NPAS3: variants seen among roughly 807,000 people sequenced by gnomAD.
NPAS3 encodes the protein neuronal PAS domain protein 3.
Under a neutral mutation model 73.1 loss-of-function variants are expected in NPAS3, and 14 were observed. That is an observed-to-expected ratio of 0.19 (90% CI 0.13 to 0.30). The LOEUF (loss-of-function observed/expected upper bound fraction) is 0.30, where lower values mean the gene tolerates loss of function less well. NPAS3 is among the 10% of genes least tolerant of loss of function. The pLI, the probability that NPAS3 is intolerant of heterozygous loss-of-function variation, is 1.00. For missense variants in NPAS3, 1,096 were observed against 1,250.0 expected (o/e 0.88, Z 1.86); for synonymous variants, 620 against 541.5 (o/e 1.14, Z -2.01).
At chr14:33,480,524 T>TCCCCCCCCCCCCCCCCCCCC (rs2051266824) in intron 4 of NPAS3, among the ~76,000 whole-genome samples, 1 of 65,384 alleles carries the variant, frequency 1.5e-5, no homozygotes. Context: ...TCCCCCACTC[T>TCCCCCCCCCCCCCCCCCCCC]CCCCCTCCCC....
chr14:33,551,614 C>T (rs1241093725), intron 4 of NPAS3, among the ~76,000 whole-genome samples: 1 of 152,136 alleles, frequency 6.6e-6, no homozygotes, highest in Admixed American at 6.5e-5. Flanking sequence ...AAAAAGCTAA[C>T]ATGGAAGTCT....
At chr14:33,698,166 A>T (rs1210485508) in intron 6 of NPAS3, among the ~76,000 whole-genome samples, 1 of 152,160 alleles carries the variant, frequency 6.6e-6, no homozygotes, top group East Asian at 1.9e-4. Flanking sequence ...ACAAATCATC[A>T]CTCAACCATC....
At chr14:33,054,833 T>C (rs563072084) in intron 1 of NPAS3, among the ~76,000 whole-genome samples, 36 of 152,110 alleles carry the variant, frequency 2.4e-4, no homozygotes, top group Admixed American at 1.2e-3. Context: ...AGGATGGTCT[T>C]GATCTCCTGA....
intron 3 of NPAS3, among the ~76,000 whole-genome samples, chr14:33,311,738 G>A (rs868749143): frequency 1.1e-4 from 17 of 152,212 alleles, no homozygotes; most frequent in South Asian, 4.1e-4. Context: ...CAGGAATTCA[G>A]TCTGGTGGTG....
intron 5 of NPAS3, among the ~76,000 whole-genome samples, chr14:33,674,706 A>G (rs2059708875): frequency 6.6e-6 from 1 of 152,232 alleles, no homozygotes. Flanking sequence ...TAATAGCAAG[A>G]GAAAAATGCC....
chr14:33,488,347 C>T (rs538874511), intron 4 of NPAS3, among the ~76,000 whole-genome samples: 36 of 151,924 alleles, frequency 2.4e-4, no homozygotes, highest in East Asian at 2.0e-4. Flanking sequence ...CTTAACGGGG[C>T]TGGCAACTCT....
Position 33,776,433 on chromosome 14 carries a change from C to T in NPAS3, c.1046+1903C>T, listed in dbSNP as rs1013581381. On this transcript the variant is annotated intron_variant, in intron 8 of 11. Transcript: ENST00000356141. ...GTGATCAACTCATTAATTCTTTTGACAAGCTCCATGGACCCGAGTGCCTCA... is the reference window on the plus strand; with the variant it reads ...GTGATCAACTCATTAATTCTTTTGATAAGCTCCATGGACCCGAGTGCCTCA... Among the ~76,000 whole-genome samples the T allele has an allele frequency of 1.3e-4, 18 of 138,648 alleles. 1 individual carries two copies. Among genetic ancestry groups the T allele is most frequent in the Admixed American group, 8.1e-5 (1 of 12,404 alleles). 91.0% of individuals were successfully genotyped at this position (138,648 alleles called of 152,430 possible).
intron 5 of NPAS3, among the ~76,000 whole-genome samples, chr14:33,671,609 G>GTGAT (rs1180130178): frequency 6.6e-6 from 1 of 152,096 alleles, no homozygotes; most frequent in African/African-American, 2.4e-5. Context: ...GTTTCTGGAT[G>GTGAT]TGATTATTTA....
intron 4 of NPAS3, among the ~76,000 whole-genome samples, chr14:33,554,141 C>G (rs868109336): frequency 6.6e-6 from 1 of 152,224 alleles, no homozygotes; most frequent in Non-Finnish European, 1.5e-5. Context: ...CCACTTCTTC[C>G]CAAGGCTAAC....
At chr14:33,245,589 G>C (rs1378330367) in intron 3 of NPAS3, among the ~76,000 whole-genome samples, 1 of 152,078 alleles carries the variant, frequency 6.6e-6, no homozygotes, top group Non-Finnish European at 1.5e-5. Context: ...TTTATACCAG[G>C]AGTAAATTAC....
intron 9 of NPAS3, among the ~76,000 whole-genome samples, chr14:33,779,209 C>T (rs1457583131): frequency 6.6e-6 from 1 of 152,234 alleles, no homozygotes; most frequent in Non-Finnish European, 1.5e-5. Context: ...GAGCCACAGG[C>T]TGAACTCCAA....
chr14:33,202,936 G>T (rs1189274428), intron 2 of NPAS3, among the ~76,000 whole-genome samples: 2 of 152,124 alleles, frequency 1.3e-5, no homozygotes, highest in Non-Finnish European at 2.9e-5. Flanking sequence ...AATATCGTAA[G>T]AAAAGTCTTT....
chr14:33,471,488 G>A (rs765260846), intron 4 of NPAS3, among the ~76,000 whole-genome samples: 9 of 152,172 alleles, frequency 5.9e-5, no homozygotes, highest in Non-Finnish European at 1.2e-4. Context: ...TGGGAGTCGG[G>A]AGACAGCGAT....
chr14:32,968,133 G>C (rs1028797812), intron 1 of NPAS3, among the ~76,000 whole-genome samples: 48 of 152,058 alleles, frequency 3.2e-4, no homozygotes, highest in African/African-American at 1.2e-3. Context: ...CAGAGTGAGA[G>C]TTAGGAGGAA....
chr14:33,739,660 G>A (rs775375637), intron 7 of NPAS3, among the ~76,000 whole-genome samples: 10 of 152,112 alleles, frequency 6.6e-5, no homozygotes, highest in Non-Finnish European at 1.3e-4. Flanking sequence ...GCCCTTTAAA[G>A]ATTTGATAAA....
chr14:33,359,826 C>A (rs1348880489), intron 3 of NPAS3, among the ~76,000 whole-genome samples: 2 of 152,184 alleles, frequency 1.3e-5, no homozygotes, highest in Non-Finnish European at 2.9e-5. Flanking sequence ...CGGTGTCTTT[C>A]TGTGTACTGT....
intron 5 of NPAS3, among the ~76,000 whole-genome samples, chr14:33,629,550 T>C (rs1319399147): frequency 1.3e-5 from 2 of 151,570 alleles, no homozygotes; most frequent in East Asian, 3.9e-4. Flanking sequence ...CTTGTACTCC[T>C]CAATGGTTTT....
At chr14:33,667,250 A>G (rs1368527470) in intron 5 of NPAS3, among the ~76,000 whole-genome samples, 1 of 152,184 alleles carries the variant, frequency 6.6e-6, no homozygotes. Context: ...CGTGCCTTCC[A>G]TATGGGGCAG....
chr14:33,653,809 G>A (rs541137669), intron 5 of NPAS3, among the ~76,000 whole-genome samples: 5 of 152,302 alleles, frequency 3.3e-5, no homozygotes, highest in African/African-American at 1.2e-4. Flanking sequence ...TTTTTCTACA[G>A]ATCCCTGAAA....
Sources: gnomAD v4.1 joint callset for allele counts (sites outside exome capture counted in the v4.1 genomes callset) on GRCh38, gnomAD v4.1.1 for gene constraint, MANE v1.5 for transcripts, NCBI Gene and HGNC (gene_info 2026-07-23, HGNC 2026-07-21) for gene names.